Variants in CFAP54 observed in about 807,000 individuals in gnomAD.
CFAP54 encodes cilia- and flagella-associated protein 54.
In CFAP54, 290 loss-of-function variants were observed where a neutral mutation model predicts 370.4. The ratio of observed to expected loss-of-function variants is 0.78; its 90% confidence interval spans 0.71 to 0.86. The LOEUF (loss-of-function observed/expected upper bound fraction) is 0.86. Ranked by LOEUF, CFAP54 falls within the 40% of genes least tolerant of loss-of-function variation. CFAP54 has a pLI of 0.00. For synonymous variants in CFAP54, 1,206 were observed against 1,236.5 expected (o/e 0.98, Z 0.52); for missense variants, 3,399 against 3,528.7 (o/e 0.96, Z 0.93).
intron 55 of CFAP54, among the ~76,000 whole-genome samples, chr12:96,748,342 T>A (rs949488377): frequency 6.6e-6 from 1 of 152,190 alleles, no homozygotes; most frequent in Admixed American, 6.5e-5. Flanking sequence ...TTAAACTAGT[T>A]CTTTCCTTTT....
intron 63 of CFAP54, among the ~76,000 whole-genome samples, chr12:96,793,597 T>C (rs1488270691): frequency 6.6e-6 from 1 of 152,190 alleles, no homozygotes; most frequent in African/African-American, 2.4e-5. Context: ...GATCAAATGG[T>C]AGATCTACTT....
At chr12:96,824,035 C>T (rs1447927267) in intron 65 of CFAP54, among the ~76,000 whole-genome samples, 2 of 152,184 alleles carry the variant, frequency 1.3e-5, no homozygotes, top group African/African-American at 2.4e-5. Flanking sequence ...CTTGAAGTCA[C>T]TCAGAGAGCC....
At chr12:96,605,260 C>A (rs1956288499) in intron 26 of CFAP54, among the ~76,000 whole-genome samples, 2 of 152,172 alleles carry the variant, frequency 1.3e-5, no homozygotes, top group Admixed American at 6.6e-5. Flanking sequence ...AACCTGCAGG[C>A]AGACTTTAAG....
chr12:96,629,130 A>G (rs1487675291), intron 30 of CFAP54, among the ~76,000 whole-genome samples: 1 of 152,082 alleles, frequency 6.6e-6, no homozygotes, highest in East Asian at 1.9e-4. Context: ...CTTTTACAGT[A>G]TTCTCTGAGT....
At chr12:96,754,124 A>G (rs997276637) in intron 56 of CFAP54, among the ~76,000 whole-genome samples, 3 of 152,208 alleles carry the variant, frequency 2.0e-5, no homozygotes, top group Admixed American at 2.0e-4. Flanking sequence ...CATTTCTTTT[A>G]TAATTGTAAT....
Position 96,802,211 on chromosome 12 carries a change from C to T in CFAP54, c.8851-9525C>T, listed in dbSNP as rs539333117. Reference sequence around the variant, plus strand: ...ATACCCACCACCCTGCTACAGCCTGCGGTGAGATCGAGACTCAAGCAGACT... The same window carrying T: ...ATACCCACCACCCTGCTACAGCCTGTGGTGAGATCGAGACTCAAGCAGACT... On this transcript the variant is annotated intron_variant, in intron 63 of 67. Transcript: ENST00000524981. 3.0e-3 allele frequency among the ~76,000 whole-genome samples: 458 copies of T among 152,204 alleles called. 3 individuals carry two copies. Among genetic ancestry groups the T allele is most frequent in the Non-Finnish European group, 4.9e-3 (333 of 68,008 alleles).
At chr12:96,823,715 A>G (rs191708370) in intron 65 of CFAP54, among the ~76,000 whole-genome samples, 1 of 152,180 alleles carries the variant, frequency 6.6e-6, no homozygotes, top group Admixed American at 6.5e-5. Flanking sequence ...TTCGTGGCCT[A>G]TAGGAGGAAT....
chr12:96,736,180 A>G (rs1278728765), intron 50 of CFAP54, among the ~76,000 whole-genome samples: 1 of 152,132 alleles, frequency 6.6e-6, no homozygotes, highest in Non-Finnish European at 1.5e-5. Context: ...GTTTACTGAG[A>G]GCAAAGGCTT....
At chr12:96,735,473 T>G (rs994653724) in intron 50 of CFAP54, among the ~76,000 whole-genome samples, 1 of 152,180 alleles carries the variant, frequency 6.6e-6, no homozygotes, top group Non-Finnish European at 1.5e-5. Context: ...ACAGAAGAGA[T>G]CCATCTCATA....
chr12:96,717,710 G>C (rs551948182), intron 48 of CFAP54, among the ~76,000 whole-genome samples: 1 of 152,322 alleles, frequency 6.6e-6, no homozygotes, highest in African/African-American at 2.4e-5. Flanking sequence ...CTCACGCTCA[G>C]CTCTTAGACT....
Position 96,518,968 on chromosome 12 carries a change from C to G in CFAP54, c.839C>G (p.Ser280Cys). ...CTGTGGGCCAGCATGTGTATGGAGT[C>G]CTTGGTCCCGCTCCTGTCACTCAGG... The part of the protein sequence containing the change: ...YLLWASMCME[S>C]LVPLLSLRYL... Residue 280 changes from serine (S) to cysteine (C), a missense_variant, in exon 6 of 68, where the codon TCC becomes TGC. Around this residue, in one of 3 missense-constraint regions of CFAP54, gnomAD observed 559 missense variants for 576.7 expected, o/e 0.97. Transcript: ENST00000524981. The G allele has an allele frequency of 6.5e-7, 1 of 1,535,984 alleles. No individual in the cohort carries two copies. The highest frequency in any genetic ancestry group is 8.7e-7 in the Non-Finnish European group (1 of 1,146,852).
chr12:96,685,537 G>T (rs2136556707), intron 42 of CFAP54, among the ~76,000 whole-genome samples: 1 of 126,180 alleles, frequency 7.9e-6, no homozygotes, highest in Middle Eastern at 3.8e-3. Context: ...ATAACTACTT[G>T]TTTTTTTTGT....
At position 96,744,054 on chromosome 12, in the gene CFAP54, C is replaced by T. The variant is rs754855252; in HGVS notation, c.7592C>T (p.Ser2531Leu). Reference protein sequence around the residue: ...LAFGETIEFRSSNTKYANPLQ... With the variant: ...LAFGETIEFRLSNTKYANPLQ... ...TTTGGAGAAACAATTGAATTTCGTT[C>T]ATCAAACACTAAATATGCAAATCCA... The change falls in exon 55 of 68, where the codon TCA becomes TTA. Residue 2531 changes from serine to leucine, a missense_variant. This residue lies in a region of CFAP54 where 2,796 missense variants were observed against 2,869.7 expected (regional missense o/e 0.97). Transcript: ENST00000524981. 6.2e-7 allele frequency: 1 copy of T among 1,610,778 alleles called. No individual in the cohort carries two copies. Among genetic ancestry groups the T allele is most frequent in the South Asian group, 1.1e-5 (1 of 90,188 alleles).
Position 96,581,101 on chromosome 12 carries a change from C to T in CFAP54, c.3071C>T (p.Thr1024Ile). ...ACTATTACTGCTCGGATGTTCCTGA[C>T]ACAGGTAGAAAAGATTTCTGCTAAT... ...LSTITARMFL[T>I]QVAYQVGNYE... The change falls in exon 22 of 68, where the codon ACA becomes ATA. Residue 1024 changes from threonine (T) to isoleucine (I), a missense_variant. Coordinates refer to ENST00000524981, the MANE Select transcript of CFAP54 (RefSeq NM_001306084.2). The T allele has an allele frequency of 2.1e-6, 3 of 1,461,000 alleles. No homozygotes were observed. Among genetic ancestry groups the T allele is most frequent in the Non-Finnish European group, 2.7e-6 (3 of 1,108,852 alleles). 90.5% of individuals were successfully genotyped at this position (1,461,000 alleles called of 1,614,324 possible). A position where few individuals can be genotyped will look rare whatever the true frequency, so the allele number is the denominator to read the frequency against.
At chr12:96,536,924 G>T (rs1048491148) in intron 12 of CFAP54, among the ~76,000 whole-genome samples, 11 of 151,804 alleles carry the variant, frequency 7.2e-5, no homozygotes, top group Non-Finnish European at 1.5e-4. Context: ...CACTGTGCCT[G>T]GCCCTCATTA....
intron 51 of CFAP54, among the ~76,000 whole-genome samples, chr12:96,741,325 C>T (rs34668474): frequency 0.32 from 48,344 of 152,012 alleles, 8,547 homozygotes; most frequent in Non-Finnish European, 0.38. Context: ...TGCCACCATG[C>T]CTGTCTAATT....
chr12:96,591,301 A>G (rs546589792), intron 23 of CFAP54, among the ~76,000 whole-genome samples: 7 of 152,314 alleles, frequency 4.6e-5, no homozygotes, highest in Middle Eastern at 3.4e-3. Flanking sequence ...CAAGAGAGCC[A>G]CTTTTGTAGC....
At position 96,699,162 on chromosome 12, in the gene CFAP54, T is replaced by TTA. The variant is rs143280712; in HGVS notation, c.6352-806_6352-805dup. Among the ~76,000 whole-genome samples the TTA allele has an allele frequency of 5.3e-3, 801 of 152,284 alleles. 10 individuals carry two copies. The highest frequency in any genetic ancestry group is 0.016 in the African/African-American group (658 of 41,556). On this transcript the variant is annotated intron_variant, in intron 45 of 67. Coordinates refer to ENST00000524981, the MANE Select transcript of CFAP54 (RefSeq NM_001306084.2). ...CAGAGGCTAGGGTGAAGTAACAAAG[T>TTA]TATACTTCTATGCAAACGAAGACTC... is the stretch of plus-strand genomic sequence containing the variant.
intron 44 of CFAP54, among the ~76,000 whole-genome samples, chr12:96,692,737 C>T (rs1376513026): frequency 6.6e-6 from 1 of 152,180 alleles, no homozygotes; most frequent in Non-Finnish European, 1.5e-5. Context: ...AAACAGTTTC[C>T]ATTTTGTATT....
Sources: gnomAD v4.1 joint callset for allele counts (sites outside exome capture counted in the v4.1 genomes callset) on GRCh38, gnomAD v4.1.1 for gene constraint, gnomAD v4.1.1 regional missense constraint, MANE v1.5 for transcripts, NCBI Gene and HGNC (gene_info 2026-07-23, HGNC 2026-07-21) for gene names.